The following MYO5B variants were observed in gnomAD, a reference collection of about 807,000 sequenced individuals.
MYO5B encodes the protein myosin VB.
MYO5B carries 143 observed loss-of-function variants against 229.3 expected under a neutral mutation model. The ratio of observed to expected loss-of-function variants is 0.62; its 90% CI spans 0.54 to 0.72. The LOEUF is 0.72. Ranked by LOEUF, MYO5B falls within the 30% of genes least tolerant of loss-of-function variation. MYO5B has a pLI of 0.00. For missense variants in MYO5B, 2,321 were observed against 2,331.0 expected, an observed-to-expected ratio of 1.00 and a Z score of 0.09; for synonymous variants, 918 against 885.2, an observed-to-expected ratio of 1.04 and a Z score of -0.66.
chr18:49,901,780 C>A (rs987333325), intron 21 of MYO5B, among the ~76,000 whole-genome samples: 14 of 152,248 alleles, frequency 9.2e-5, no homozygotes, highest in Non-Finnish European at 1.8e-4. Context: ...TGGAGCCAGA[C>A]AGCTGGGGTT....
intron 29 of MYO5B, among the ~76,000 whole-genome samples, chr18:49,860,200 A>C (rs1184555378): frequency 6.6e-6 from 1 of 152,132 alleles, no homozygotes; most frequent in Non-Finnish European, 1.5e-5. Flanking sequence ...AGCACTGTCA[A>C]AGAGCCAGAC....
intron 4 of MYO5B, among the ~76,000 whole-genome samples, chr18:50,031,399 C>T (rs1462197948): frequency 6.6e-6 from 1 of 152,214 alleles, no homozygotes; most frequent in Non-Finnish European, 1.5e-5. Context: ...ATCCGAAAGT[C>T]TCTATCCTCA....
chr18:49,837,936 A>G, intron 36 of MYO5B, 134 bp from the exon 37 acceptor site: 1 of 1,219,268 alleles, frequency 8.2e-7, no homozygotes, highest in Non-Finnish European at 1.2e-6. Flanking sequence ...CATGCTTAGG[A>G]ACTTATAACA....
At chr18:49,905,481 G>T (rs1046743184) in intron 19 of MYO5B, among the ~76,000 whole-genome samples, 2 of 152,256 alleles carry the variant, frequency 1.3e-5, no homozygotes, top group Non-Finnish European at 2.9e-5. Context: ...CCTATAACAA[G>T]TGCTCAATTA....
rs760316863 is a variant in MYO5B at position 49,853,440 on chromosome 18, G to A, written c.4221+9C>T. 3.7e-6 allele frequency: 6 copies of A among 1,613,992 alleles called. No individual in the cohort carries two copies. Among genetic ancestry groups the A allele is most frequent in the Admixed American group, 1.7e-5 (1 of 60,018 alleles). ...CCAAAGCTGGGGTCCACTAGACATG[G>A]CTACCCACCAGATTCTCGTTGGTCA... On this transcript the variant is annotated intron_variant, in intron 31 of 39. Coordinates refer to ENST00000285039, the MANE Select transcript of MYO5B (RefSeq NM_001080467.3).
intron 4 of MYO5B, among the ~76,000 whole-genome samples, chr18:50,011,479 T>C (rs575027553): frequency 2.3e-4 from 35 of 152,270 alleles, no homozygotes; most frequent in Admixed American, 7.2e-4. Flanking sequence ...ACTGGACAAC[T>C]ACACGCGGAA....
chr18:49,929,116 A>G (rs2025161050), intron 17 of MYO5B, among the ~76,000 whole-genome samples: 1 of 152,194 alleles, frequency 6.6e-6, no homozygotes, highest in African/African-American at 2.4e-5. Flanking sequence ...AAACCTACTG[A>G]AAAAATTTAA....
In MYO5B at chr18:49,824,131, A is replaced by C. The variant is rs2023809668; in HGVS notation, c.*2340T>G. 6.6e-6 allele frequency: 1 copy of C among 152,486 alleles called. No homozygotes were observed. The allele number at this position is 152,486 out of a possible 1,614,324, so 9.4% of individuals were successfully genotyped here. A position where few individuals can be genotyped will look rare whatever the true frequency, so the allele number is the denominator to read the frequency against. On this transcript the variant is annotated 3_prime_UTR_variant, in exon 40 of 40. Coordinates refer to ENST00000285039, the MANE Select transcript of MYO5B (RefSeq NM_001080467.3). ...CATTACTGATTTCATGACACTGATA[A>C]ATGTTTGAATTGAAATGATTTTTTA... is the stretch of plus-strand genomic sequence containing the variant.
chr18:49,940,624 C>A (rs1345015524), intron 14 of MYO5B, among the ~76,000 whole-genome samples: 1 of 152,028 alleles, frequency 6.6e-6, no homozygotes, highest in Non-Finnish European at 1.5e-5. Context: ...CTCAGTGAAC[C>A]CCCCTCAGTC....
At chr18:50,133,664 C>G (rs991355766) in intron 1 of MYO5B, among the ~76,000 whole-genome samples, 1 of 152,208 alleles carries the variant, frequency 6.6e-6, no homozygotes, top group Non-Finnish European at 1.5e-5. Flanking sequence ...TTATTCCTCA[C>G]TTTGCAAGGT....
intron 1 of MYO5B, among the ~76,000 whole-genome samples, chr18:50,083,163 G>A (rs994206434): frequency 1.3e-5 from 2 of 152,208 alleles, no homozygotes; most frequent in Non-Finnish European, 2.9e-5. Flanking sequence ...TAGAAGAGGT[G>A]CATCAGGCAA....
chr18:49,863,778 C>T (rs971854013), intron 28 of MYO5B, among the ~76,000 whole-genome samples: 1 of 152,170 alleles, frequency 6.6e-6, no homozygotes, highest in African/African-American at 2.4e-5. Flanking sequence ...AAAGTGAGAA[C>T]ATTAGGAAAA....
chr18:50,098,777 T>A (rs1338210250), intron 1 of MYO5B: 1 of 152,818 alleles, frequency 6.5e-6, no homozygotes. Context: ...GTACCAACAG[T>A]GGTCAACTGA....
At chr18:50,131,306 G>A (rs184223626) in intron 1 of MYO5B, among the ~76,000 whole-genome samples, 183 of 152,252 alleles carry the variant, frequency 1.2e-3, no homozygotes, top group Non-Finnish European at 2.3e-3. Context: ...CCAGACTTTG[G>A]CTACCAGGAA....
chr18:50,116,618 C>T (rs1006783920), intron 1 of MYO5B, among the ~76,000 whole-genome samples: 4 of 152,030 alleles, frequency 2.6e-5, no homozygotes, highest in African/African-American at 7.2e-5. Flanking sequence ...GTGAATAAGG[C>T]CGTTCCTAAC....
intron 17 of MYO5B, among the ~76,000 whole-genome samples, chr18:49,918,838 T>G (rs766665706): frequency 5.4e-4 from 82 of 152,306 alleles, no homozygotes; most frequent in Non-Finnish European, 8.7e-4. Context: ...AATAGATGAT[T>G]CTGGATACAA....
At chr18:50,031,770 C>T (rs1195211001) in intron 4 of MYO5B, among the ~76,000 whole-genome samples, 1 of 152,198 alleles carries the variant, frequency 6.6e-6, no homozygotes, top group Non-Finnish European at 1.5e-5. Flanking sequence ...TTATCCAAGA[C>T]ACTAAAATTT....
Position 49,990,432 on chromosome 18 carries a change from GACTT to G in MYO5B, c.838+3_838+6del, listed in dbSNP as rs1292686505. The G allele has an allele frequency of 6.2e-7, 1 of 1,611,212 alleles. No individual in the cohort carries two copies. Among genetic ancestry groups the G allele is most frequent in the South Asian group, 1.1e-5 (1 of 90,958 alleles). Reference sequence around the variant, plus strand: ...CCCAGAGGATAGGCATGCACCTGTTGACTTACTTAGTGCAAGCTCTTTAAATTCT... The same window carrying G: ...CCCAGAGGATAGGCATGCACCTGTTGACTTAGTGCAAGCTCTTTAAATTCT... On this transcript the variant is annotated splice_donor_5th_base_variant and intron_variant, in intron 7 of 39. Transcript: ENST00000285039.
At chr18:50,157,204 CAA>C (rs548597124) in intron 1 of MYO5B, among the ~76,000 whole-genome samples, 278 of 151,908 alleles carry the variant, frequency 1.8e-3, no homozygotes, top group Non-Finnish European at 3.4e-3. Context: ...CTCCTGGGTT[CAA>C]GTGATTCTCC....
Sources: gnomAD v4.1 joint callset for allele counts (sites outside exome capture counted in the v4.1 genomes callset) on GRCh38, gnomAD v4.1.1 for gene constraint, MANE v1.5 for transcripts, NCBI Gene and HGNC (gene_info 2026-07-23, HGNC 2026-07-21) for gene names.